Variants in LYZL2 observed in about 807,000 individuals in gnomAD.
LYZL2 encodes lysozyme like 2, also known as lysozyme-like protein 2.
LYZL2 carries 13 observed loss-of-function variants against 17.1 expected under a neutral mutation model. The observed-to-expected ratio is 0.76, with a 90% CI of 0.49 to 1.21. The LOEUF is 1.21. Among genes scored for constraint, LYZL2 ranks in the 50% most tolerant of loss-of-function variants. The pLI is 0.00. For missense variants in LYZL2, 166 were observed against 189.2 expected, an observed-to-expected ratio of 0.88 and a Z score of 0.72; for synonymous variants, 63 against 74.4, an observed-to-expected ratio of 0.85 and a Z score of 0.79.
At chr10:30,611,575 G>T, downstream of LYZL2, among the ~76,000 whole-genome samples, 2 of 97,748 alleles carry the variant, frequency 2.0e-5, no homozygotes, top group Admixed American at 2.3e-4. Flanking sequence ...AGGAAGGAAA[G>T]AAAGAAAGAA....
At chr10:30,625,640 CA>C (rs750826849) in intron 3 of LYZL2, among the ~76,000 whole-genome samples, 14 of 152,110 alleles carry the variant, frequency 9.2e-5, no homozygotes, top group Non-Finnish European at 1.9e-4. Flanking sequence ...GCTATGAACG[CA>C]CCACTACACT....
At chr10:30,617,714 A>AAAAAG (rs1471881941) in intron 3 of LYZL2, among the ~76,000 whole-genome samples, 5 of 150,826 alleles carry the variant, frequency 3.3e-5, no homozygotes, top group South Asian at 4.2e-4. Flanking sequence ...GAAAAAGAAA[A>AAAAAG]AAAAGAAAAG....
At chr10:30,615,975 G>C (rs1212215495) in intron 3 of LYZL2, among the ~76,000 whole-genome samples, 1 of 152,104 alleles carries the variant, frequency 6.6e-6, no homozygotes, top group African/African-American at 2.4e-5. Context: ...TGTCTTTACT[G>C]TATATTTTCT....
downstream of LYZL2, among the ~76,000 whole-genome samples, chr10:30,609,050 G>A (rs1353919550): frequency 6.6e-6 from 1 of 152,176 alleles, no homozygotes; most frequent in Non-Finnish European, 1.5e-5. Context: ...GTGCTGCCCA[G>A]GCTGGTCTCC....
At chr10:30,622,172 T>C (rs67056170) in intron 3 of LYZL2, among the ~76,000 whole-genome samples, 14,750 of 152,066 alleles carry the variant, frequency 0.097, 922 homozygotes, top group African/African-American at 0.17. Context: ...AAATATTCAA[T>C]AAATTCAAAA....
chr10:30,622,642 C>T (rs1838643326), intron 3 of LYZL2, among the ~76,000 whole-genome samples: 1 of 152,168 alleles, frequency 6.6e-6, no homozygotes, highest in Non-Finnish European at 1.5e-5. Context: ...GCATAACCCA[C>T]AGGCCAATCT....
chr10:30,625,416 C>G (rs1463228426), intron 3 of LYZL2, among the ~76,000 whole-genome samples: 1 of 152,076 alleles, frequency 6.6e-6, no homozygotes, highest in Non-Finnish European at 1.5e-5. Flanking sequence ...CTGCAAAGTC[C>G]CTTTTGCCAT....
At chr10:30,611,687 G>A (rs111568344), downstream of LYZL2, 602 of 256,282 alleles carry the variant, frequency 2.3e-3, 6 homozygotes, top group African/African-American at 0.034. Context: ...AAGGAAGGAA[G>A]GAAAGAAAGA....
downstream of LYZL2, chr10:30,611,735 AG>A (rs368867230): frequency 1.8e-5 from 9 of 506,276 alleles, no homozygotes; most frequent in African/African-American, 9.2e-5. Flanking sequence ...AAGAAAAGAA[AG>A]GAAAGAAAGA....
chr10:30,629,609 T>C lies in LYZL2; in HGVS notation c.-42A>G. 1 of 1,614,204 alleles carries C rather than the reference T, an allele frequency of 6.2e-7. No individual in the cohort carries two copies. The highest frequency in any genetic ancestry group is 8.5e-7 in the Non-Finnish European group (1 of 1,179,996). On this transcript the variant is annotated 5_prime_UTR_variant, in exon 1 of 5. Transcript: ENST00000647634. The stretch of plus-strand genomic sequence containing the variant: ...AGGTCTTACTGAAAAGGCAGATTCC[T>C]GGTGCCTGCCGCAGAGGCTGACTTC...
downstream of LYZL2, among the ~76,000 whole-genome samples, chr10:30,608,864 G>C (rs1418682925): frequency 6.6e-6 from 1 of 152,066 alleles, no homozygotes; most frequent in Non-Finnish European, 1.5e-5. Flanking sequence ...TTAAGAGACA[G>C]GGCCTCACTC....
In LYZL2 at chr10:30,611,941, G is replaced by C; in HGVS notation, c.*14C>G. 1 of 1,614,154 alleles carries C rather than the reference G, an allele frequency of 6.2e-7. No homozygotes were observed. The highest frequency in any genetic ancestry group is 8.5e-7 in the Non-Finnish European group (1 of 1,180,028). ...TAGGGCGTTGCTGCAAAGCATCCTG[G>C]GTCCAGTTCCAGTTTAGGAAACCTC... is the stretch of plus-strand genomic sequence containing the variant. On this transcript the variant is annotated 3_prime_UTR_variant, in exon 5 of 5. Coordinates refer to ENST00000647634, the MANE Select transcript of LYZL2 (RefSeq NM_183058.3).
chr10:30,613,841 A>C (rs188311359), intron 3 of LYZL2, among the ~76,000 whole-genome samples: 9 of 152,184 alleles, frequency 5.9e-5, no homozygotes, highest in Admixed American at 2.0e-4. Context: ...TCAGCCTTCA[A>C]AATAGCTGGA....
downstream of LYZL2, among the ~76,000 whole-genome samples, chr10:30,608,731 C>T (rs1315906370): frequency 1.3e-5 from 2 of 152,180 alleles, no homozygotes; most frequent in Non-Finnish European, 2.9e-5. Flanking sequence ...AAATAATAAA[C>T]ATGAACTTGA....
At chr10:30,618,060 G>C (rs2132941562) in intron 3 of LYZL2, among the ~76,000 whole-genome samples, 1 of 151,544 alleles carries the variant, frequency 6.6e-6, no homozygotes, top group East Asian at 1.9e-4. Context: ...AATCATGAGT[G>C]AACTCCCATT....
chr10:30,620,822 T>A (rs1838607551), intron 3 of LYZL2, among the ~76,000 whole-genome samples: 1 of 149,916 alleles, frequency 6.7e-6, no homozygotes, highest in Non-Finnish European at 1.5e-5. Flanking sequence ...AAACACAGTA[T>A]CTGAAAAGAA....
intron 3 of LYZL2, among the ~76,000 whole-genome samples, chr10:30,620,203 G>A (rs533101217): frequency 3.9e-5 from 6 of 152,344 alleles, no homozygotes; most frequent in African/African-American, 1.4e-4. Flanking sequence ...ACAGATCCCT[G>A]GGTGGAGATT....
intron 1 of LYZL2, 87 bp downstream of exon 1, chr10:30,629,506 C>T (rs1231140663): frequency 5.8e-6 from 8 of 1,368,230 alleles, no homozygotes; most frequent in Non-Finnish European, 8.0e-6. Flanking sequence ...AATGATAACC[C>T]CAAGCATCAT....
chr10:30,606,479 A>G, the LYZL2 span, among the ~76,000 whole-genome samples: 22 of 151,604 alleles, frequency 1.5e-4, 1 homozygote, highest in East Asian at 1.9e-4. Flanking sequence ...CAGCCTGCCA[A>G]GCAGCTGGGA....
Sources: gnomAD v4.1 joint callset for allele counts (sites outside exome capture counted in the v4.1 genomes callset) on GRCh38, gnomAD v4.1.1 for gene constraint, MANE v1.5 for transcripts, NCBI Gene and HGNC (gene_info 2026-07-23, HGNC 2026-07-21) for gene names.